MKLN1: variants seen among roughly 807,000 people sequenced by gnomAD.
MKLN1 encodes muskelin 1, also known as muskelin.
MKLN1 carries 18 observed loss-of-function variants against 99.0 expected under a neutral mutation model. That is an observed-to-expected ratio of 0.18 (90% CI 0.13 to 0.27). The LOEUF is 0.27. Among genes scored for constraint, MKLN1 ranks in the 10% least tolerant of loss-of-function variants. The pLI, the probability that MKLN1 is intolerant of heterozygous loss-of-function variation, is 1.00. For synonymous variants in MKLN1, 288 were observed against 293.2 expected, an observed-to-expected ratio of 0.98 and a Z score of 0.18; for missense variants, 621 against 875.9, an observed-to-expected ratio of 0.71 and a Z score of 3.67.
chr7:131,171,793 C>T (rs2116335590), intron 2 of MKLN1, among the ~76,000 whole-genome samples: 1 of 152,176 alleles, frequency 6.6e-6, no homozygotes. Flanking sequence ...TATACTCATA[C>T]ATTGTTTGGT....
chr7:131,378,478 TATA>T (rs1463797893), intron 2 of MKLN1, among the ~76,000 whole-genome samples: 2 of 152,182 alleles, frequency 1.3e-5, no homozygotes, highest in South Asian at 4.1e-4. Flanking sequence ...GGTTGTAAGC[TATA>T]ATATTTCTTT....
intron 3 of MKLN1, among the ~76,000 whole-genome samples, chr7:131,222,506 G>A (rs1480164115): frequency 6.6e-6 from 1 of 152,078 alleles, no homozygotes; most frequent in Non-Finnish European, 1.5e-5. Context: ...GAGATTTCAT[G>A]GCTGCTTTTA....
chr7:131,290,518 G>A (rs1798201604), intron 3 of MKLN1, among the ~76,000 whole-genome samples: 1 of 152,166 alleles, frequency 6.6e-6, no homozygotes, highest in Admixed American at 6.5e-5. Flanking sequence ...AACATAATGG[G>A]CACTCATGCT....
intron 3 of MKLN1, among the ~76,000 whole-genome samples, chr7:131,204,948 A>AAAAAAAG (rs1796786653): frequency 6.6e-6 from 1 of 151,134 alleles, no homozygotes; most frequent in Non-Finnish European, 1.5e-5. Flanking sequence ...AAAAAAAAAA[A>AAAAAAAG]TTAGCTGGGT....
chr7:131,144,785 C>G (rs1219635218), intron 2 of MKLN1, among the ~76,000 whole-genome samples: 1 of 152,102 alleles, frequency 6.6e-6, no homozygotes, highest in East Asian at 1.9e-4. Flanking sequence ...CAAGACCAGC[C>G]TGACCAACGT....
Position 131,220,982 on chromosome 7 carries a change from T to C in MKLN1, c.-179+18008T>C, listed in dbSNP as rs148574846. 4.9e-4 allele frequency among the ~76,000 whole-genome samples: 75 copies of C among 152,344 alleles called. 1 individual carries two copies. The highest frequency in any genetic ancestry group is 1.7e-3 in the African/African-American group (71 of 41,586). ...TGTCCAGAACCTGGCATGCAATTCTTGTCAACCCTGTGTGGGTAGTTTCAT... is the reference window on the plus strand; with the variant it reads ...TGTCCAGAACCTGGCATGCAATTCTCGTCAACCCTGTGTGGGTAGTTTCAT... On this transcript the variant is annotated intron_variant, in intron 3 of 7. Coordinates refer to the MKLN1 transcript ENST00000416992.
chr7:131,448,110 C>G (rs1019916316), intron 12 of MKLN1, among the ~76,000 whole-genome samples: 3 of 152,162 alleles, frequency 2.0e-5, no homozygotes, highest in Non-Finnish European at 2.9e-5. Context: ...CGCCTGTAGT[C>G]CCAGCTACTC....
At chr7:131,272,000 C>T (rs971610043) in intron 3 of MKLN1, among the ~76,000 whole-genome samples, 5 of 151,950 alleles carry the variant, frequency 3.3e-5, no homozygotes, top group African/African-American at 1.2e-4. Flanking sequence ...CCCCGTACAT[C>T]TCCATGGGGG....
At chr7:131,187,816 C>T (rs1008592153) in intron 2 of MKLN1, among the ~76,000 whole-genome samples, 5 of 152,102 alleles carry the variant, frequency 3.3e-5, no homozygotes, top group African/African-American at 9.7e-5. Flanking sequence ...ACTAGCCAGG[C>T]ATGGTGGCGC....
intron 3 of MKLN1, chr7:131,243,044 A>G (rs1038867084): frequency 1.7e-5 from 9 of 543,306 alleles, no homozygotes; most frequent in Non-Finnish European, 2.4e-5. Context: ...GAAAAAAAAA[A>G]GGAAAGTTCA....
chr7:131,334,765 A>G (rs187408695), intron 1 of MKLN1, among the ~76,000 whole-genome samples: 1 of 152,322 alleles, frequency 6.6e-6, no homozygotes, highest in East Asian at 1.9e-4. Context: ...TCAGTCATTC[A>G]AAAATCGTTT....
intron 3 of MKLN1, among the ~76,000 whole-genome samples, chr7:131,295,560 A>G (rs1257473240): frequency 6.6e-6 from 1 of 151,778 alleles, no homozygotes; most frequent in Non-Finnish European, 1.5e-5. Context: ...AAAAAAAGGC[A>G]TAAAGAATAG....
At chr7:131,126,500 G>A (rs4731753) in intron 1 of MKLN1, among the ~76,000 whole-genome samples, 73,321 of 151,856 alleles carry the variant, frequency 0.48, 19,311 homozygotes, top group Non-Finnish European at 0.61. Context: ...TTAACACGGC[G>A]GTGTTTTTTG....
intron 1 of MKLN1, among the ~76,000 whole-genome samples, chr7:131,140,924 C>T (rs886189279): frequency 6.6e-6 from 1 of 152,024 alleles, no homozygotes; most frequent in African/African-American, 2.4e-5. Context: ...GGACTATAGG[C>T]GCGTGCCACC....
At chr7:131,272,380 T>C (rs886388049) in intron 3 of MKLN1, among the ~76,000 whole-genome samples, 2 of 152,186 alleles carry the variant, frequency 1.3e-5, no homozygotes, top group Non-Finnish European at 1.5e-5. Context: ...AAATATTTAA[T>C]ATTGCAGTCA....
chr7:131,241,391 G>GAA (rs1554541482), intron 3 of MKLN1, among the ~76,000 whole-genome samples: 1 of 68,848 alleles, frequency 1.5e-5, no homozygotes, highest in Non-Finnish European at 3.3e-5. Context: ...AAAAAAAAAA[G>GAA]AAAAAAGAAA....
chr7:131,280,220 G>A (rs1040564744), intron 3 of MKLN1, among the ~76,000 whole-genome samples: 1 of 152,146 alleles, frequency 6.6e-6, no homozygotes, highest in Admixed American at 6.5e-5. Flanking sequence ...TCATGGACAT[G>A]GATTGTTTTC....
At chr7:131,327,640 C>T, upstream of MKLN1, 1 of 479,906 alleles carries the variant, frequency 2.1e-6, no homozygotes, top group Non-Finnish European at 3.7e-6. Context: ...AAGTCCTTTG[C>T]GCCATTCCCC....
intron 2 of MKLN1, among the ~76,000 whole-genome samples, chr7:131,166,104 CA>C (rs11295603): frequency 0.98 from 147,327 of 150,836 alleles, 72,040 homozygotes; most frequent in East Asian, 1. Flanking sequence ...GACTCTGTTT[CA>C]AAAAAAAAAG....
Sources: gnomAD v4.1 joint callset for allele counts (sites outside exome capture counted in the v4.1 genomes callset) on GRCh38, gnomAD v4.1.1 for gene constraint, MANE v1.5 for transcripts, NCBI Gene and HGNC (gene_info 2026-07-23, HGNC 2026-07-21) for gene names.